The following DYRK1A variants were observed in gnomAD, a reference collection of about 807,000 sequenced individuals.
The protein encoded by DYRK1A is dual specificity tyrosine phosphorylation regulated kinase 1A, also known as dual specificity tyrosine-phosphorylation-regulated kinase 1A.
A neutral mutation model predicts 79.7 loss-of-function variants in DYRK1A; 9 were observed. The ratio of observed to expected loss-of-function variants is 0.11; its 90% CI spans 0.07 to 0.20. The LOEUF (loss-of-function observed/expected upper bound fraction) is 0.20. Among genes scored for constraint, DYRK1A ranks in the 10% least tolerant of loss-of-function variants. The pLI is 1.00. For synonymous variants in DYRK1A, 349 were observed against 329.7 expected (o/e 1.06, Z -0.63); for missense variants, 622 against 956.0 (o/e 0.65, Z 4.61).
intron 2 of DYRK1A, chr21:37,421,844 G>A (rs770011383): frequency 5.9e-5 from 9 of 152,152 alleles, no homozygotes; most frequent in Non-Finnish European, 8.8e-5. Flanking sequence ...GCTATACCAA[G>A]TAGATGCTCA....
At chr21:37,437,895 G>A (rs1271338066) in intron 2 of DYRK1A, among the ~76,000 whole-genome samples, 3 of 152,126 alleles carry the variant, frequency 2.0e-5, no homozygotes, top group African/African-American at 7.2e-5. Flanking sequence ...CATGTGGTGG[G>A]TATATGCCTA....
chr21:37,384,878 A>T (rs2049729602), intron 1 of DYRK1A, among the ~76,000 whole-genome samples: 1 of 152,168 alleles, frequency 6.6e-6, no homozygotes, highest in South Asian at 2.1e-4. Flanking sequence ...ATGGTATTTT[A>T]GACATTTAGA....
In DYRK1A at chr21:37,430,544, T is replaced by C. The variant is rs574341883; in HGVS notation, c.10+10160T>C. 20 of 390,844 alleles carry C rather than the reference T, an allele frequency of 5.1e-5. 1 individual carries two copies. In the South Asian group the frequency reaches 1.6e-3, roughly 31 times the overall value. 24.2% of individuals were successfully genotyped at this position (390,844 alleles called of 1,614,324 possible). A position where few individuals can be genotyped will look rare whatever the true frequency, so the allele number is the denominator to read the frequency against. On this transcript the variant is annotated intron_variant, in intron 2 of 11. Transcript: ENST00000647188. ...CCAACTCAAGAGCCAGAGTCCTCTG[T>C]CATCATTTTGCCTCTCTCCTAAGTG...
At chr21:37,398,511 A>G (rs1193754571) in intron 1 of DYRK1A, among the ~76,000 whole-genome samples, 1 of 152,212 alleles carries the variant, frequency 6.6e-6, no homozygotes, top group Non-Finnish European at 1.5e-5. Flanking sequence ...GCGTAATTAA[A>G]CAGACTCAGA....
intron 11 of DYRK1A, among the ~76,000 whole-genome samples, chr21:37,510,959 A>G (rs1183628472): frequency 2.6e-5 from 4 of 152,202 alleles, no homozygotes; most frequent in Admixed American, 2.0e-4. Context: ...TTGTTGAGGC[A>G]GCATCAGCCA....
intron 11 of DYRK1A, 99 bp from the exon 12 acceptor site, chr21:37,511,812 T>C: frequency 7.3e-7 from 1 of 1,372,672 alleles, no homozygotes; most frequent in Non-Finnish European, 1.0e-6. Flanking sequence ...TTCCCCCTGA[T>C]TAATATGATG....
intron 11 of DYRK1A, among the ~76,000 whole-genome samples, chr21:37,508,358 G>A (rs1236065593): frequency 6.6e-6 from 1 of 152,158 alleles, no homozygotes; most frequent in Admixed American, 6.5e-5. Flanking sequence ...AACAATCTCT[G>A]CTCATTGCAA....
rs1429991264 is a variant in DYRK1A at position 37,505,524 on chromosome 21, C to T, written c.1454C>T (p.Ser485Phe). The change falls in exon 10 of 12, where the codon TCT becomes TTT. Residue 485 changes from serine to phenylalanine, a missense_variant. Ser to Phe is a radical substitution (Grantham distance 155). Transcript: ENST00000647188. ...DEGTNTSNSV[S>F]TSPAMEQSQS... ...GGTACAAATACAAGTAATAGTGTATCTACAAGCCCCGCCATGGAGCAGTCT... is the reference window on the plus strand; with the variant it reads ...GGTACAAATACAAGTAATAGTGTATTTACAAGCCCCGCCATGGAGCAGTCT... 3.1e-6 allele frequency: 5 copies of T among 1,612,460 alleles called. No homozygotes were observed. The highest frequency in any genetic ancestry group is 4.2e-6 in the Non-Finnish European group (5 of 1,179,912).
intron 7 of DYRK1A, among the ~76,000 whole-genome samples, chr21:37,491,185 C>A (rs1301397233): frequency 6.6e-6 from 1 of 151,940 alleles, no homozygotes; most frequent in Non-Finnish European, 1.5e-5. Context: ...CAGATGTGTT[C>A]GTAGTGCTGA....
chr21:37,483,911 T>C (rs1158255018), intron 5 of DYRK1A, among the ~76,000 whole-genome samples: 4 of 152,100 alleles, frequency 2.6e-5, no homozygotes, highest in African/African-American at 9.7e-5. Flanking sequence ...AAGGTCTTCC[T>C]GTTAGTCAGA....
rs887803613 is a variant in DYRK1A, at chr21:37,367,545, G to C, written c.-160G>C. ...AGGCTGCCGGGGCGGCGCTGGCTGCGGAGGCCGCGGCGGGAGCGCGGCGCG... is the reference window on the plus strand; with the variant it reads ...AGGCTGCCGGGGCGGCGCTGGCTGCCGAGGCCGCGGCGGGAGCGCGGCGCG... On this transcript the variant is annotated 5_prime_UTR_variant, in exon 1 of 12. Transcript: ENST00000647188. 6.8e-6 allele frequency: 1 copy of C among 147,678 alleles called. No individual in the cohort carries two copies. Among genetic ancestry groups the C allele is most frequent in the African/African-American group, 2.5e-5 (1 of 40,572 alleles). 9.1% of individuals were successfully genotyped at this position (147,678 alleles called of 1,614,324 possible).
rs116299655 is a variant in DYRK1A at position 37,429,501 on chromosome 21, A to T, written c.10+9117A>T. Among the ~76,000 whole-genome samples, 392 of 152,300 alleles carry T rather than the reference A, an allele frequency of 2.6e-3. 3 individuals carry two copies. Among genetic ancestry groups the T allele is most frequent in the African/African-American group, 9.1e-3 (378 of 41,554 alleles). ...AAGGGGAAGCAGGCATGTCTTACAT[A>T]GCCCCAGCAGGAGGAAAAGAGAGAA... On this transcript the variant is annotated intron_variant, in intron 2 of 11. Coordinates refer to ENST00000647188, the MANE Select transcript of DYRK1A (RefSeq NM_001347721.2).
At chr21:37,374,340 C>T (rs576324600) in intron 1 of DYRK1A, among the ~76,000 whole-genome samples, 1 of 149,666 alleles carries the variant, frequency 6.7e-6, no homozygotes, top group Non-Finnish European at 1.5e-5. Context: ...CGTACATTTA[C>T]TATCTAGTAT....
intron 1 of DYRK1A, among the ~76,000 whole-genome samples, chr21:37,398,924 A>T (rs1030734977): frequency 0.012 from 1,673 of 143,916 alleles, 28 homozygotes; most frequent in African/African-American, 0.038. Context: ...TTTTTTTTTT[A>T]AACCGCAGAG....
rs1037000796 is a variant in DYRK1A, at chr21:37,517,092, A to T, written c.*4561A>T. On this transcript the variant is annotated 3_prime_UTR_variant, in exon 12 of 12. Transcript: ENST00000647188. ...CTTCTTCAAAGCATAGAGGAGGCAG[A>T]GACAAGTCTTAAACCGGCTTCCCTT... 1.1e-4 allele frequency: 16 copies of T among 152,364 alleles called. No individual in the cohort carries two copies. Among genetic ancestry groups the T allele is most frequent in the African/African-American group, 3.8e-4 (16 of 41,592 alleles). 9.4% of individuals were successfully genotyped at this position (152,364 alleles called of 1,614,324 possible).
intron 2 of DYRK1A, among the ~76,000 whole-genome samples, chr21:37,454,235 G>A (rs940981201): frequency 3.4e-4 from 52 of 151,876 alleles, no homozygotes; most frequent in African/African-American, 1.2e-3. Context: ...TGGGACTATA[G>A]GCGTGCGCTA....
rs201720054 is a variant in DYRK1A, at chr21:37,398,074, A to ATAT, written c.-76-22225_-76-22224insTAT. Among the ~76,000 whole-genome samples the ATAT allele has an allele frequency of 2.7e-3, 291 of 109,758 alleles. 1 individual carries two copies. Among genetic ancestry groups the ATAT allele is most frequent in the African/African-American group, 9.4e-3 (275 of 29,354 alleles). The allele number at this position is 109,758 out of a possible 152,430, so 72.0% of individuals were successfully genotyped here. ...TAGCAAGACCTCATCTCTTAAAAAAAAAATATATATATATATTTATATTTA... is the reference window on the plus strand; with the variant it reads ...TAGCAAGACCTCATCTCTTAAAAAAATATAAATATATATATATATTTATATTTA... On this transcript the variant is annotated intron_variant, in intron 1 of 11. Transcript: ENST00000647188.
chr21:37,478,663 G>T (rs912079668), intron 4 of DYRK1A, among the ~76,000 whole-genome samples: 2 of 152,020 alleles, frequency 1.3e-5, no homozygotes, highest in African/African-American at 4.8e-5. Flanking sequence ...ATTTTTGCTA[G>T]AATTTTTATA....
intron 2 of DYRK1A, among the ~76,000 whole-genome samples, chr21:37,428,435 G>A (rs563979197): frequency 1.3e-5 from 2 of 152,146 alleles, no homozygotes; most frequent in East Asian, 3.9e-4. Context: ...GGATTCCCAG[G>A]GCTTCATAAA....
Sources: allele counts gnomAD v4.1 joint callset (sites outside exome capture counted in the v4.1 genomes callset), GRCh38; gene constraint gnomAD v4.1.1; transcripts MANE v1.5; gene names NCBI Gene and HGNC (gene_info 2026-07-23, HGNC 2026-07-21).